Variants in PRKCH observed in about 807,000 individuals in gnomAD.
PRKCH encodes protein kinase C eta, also known as protein kinase C eta type.
In PRKCH, 28 loss-of-function variants were observed where a neutral mutation model predicts 82.5. That is an observed-to-expected ratio of 0.34 (90% confidence interval 0.25 to 0.47). PRKCH has a LOEUF of 0.47. Among genes scored for constraint, PRKCH ranks in the 20% least tolerant of loss-of-function variants. PRKCH has a pLI of 1.00. For synonymous variants in PRKCH, 322 were observed against 327.4 expected, an observed-to-expected ratio of 0.98 and a Z score of 0.18; for missense variants, 705 against 881.8, an observed-to-expected ratio of 0.80 and a Z score of 2.54.
At chr14:61,413,538 A>C (rs762434437) in intron 2 of PRKCH, among the ~76,000 whole-genome samples, 1 of 151,560 alleles carries the variant, frequency 6.6e-6, no homozygotes, top group Non-Finnish European at 1.5e-5. Context: ...ATTCCCACCC[A>C]TCCTGAGTCC....
At chr14:61,301,987 T>C (rs1190265317) in intron 1 of PRKCH, among the ~76,000 whole-genome samples, 1 of 152,268 alleles carries the variant, frequency 6.6e-6, no homozygotes, top group African/African-American at 2.4e-5. Flanking sequence ...ACATTCTACA[T>C]AGGCAACCAC....
At chr14:61,405,691 T>C (rs1336247297) in intron 2 of PRKCH, among the ~76,000 whole-genome samples, 1 of 152,218 alleles carries the variant, frequency 6.6e-6, no homozygotes, top group Non-Finnish European at 1.5e-5. Flanking sequence ...TCTTCTATTC[T>C]TGAACTTGTG....
Position 61,336,567 on chromosome 14 carries a change from G to A in PRKCH, c.363+14103G>A, listed in dbSNP as rs1017431028. Among the ~76,000 whole-genome samples the A allele has an allele frequency of 2.0e-5, 3 of 152,192 alleles. 1 individual carries two copies. In the South Asian group the frequency reaches 6.2e-4, roughly 31 times the overall value. On this transcript the variant is annotated intron_variant, in intron 1 of 13. Transcript: ENST00000332981. ...CAACAAACCAGAAATAAATCAAGTTGCAATATTTAGCTGCAAAGGACAGAA... is the reference window on the plus strand; with the variant it reads ...CAACAAACCAGAAATAAATCAAGTTACAATATTTAGCTGCAAAGGACAGAA...
At chr14:61,292,847 G>A (rs753453935) in intron 1 of PRKCH, among the ~76,000 whole-genome samples, 47 of 149,336 alleles carry the variant, frequency 3.1e-4, no homozygotes, top group Non-Finnish European at 5.3e-4. Context: ...TAAGGAGGCC[G>A]AGGCAGGAGT....
intron 1 of PRKCH, among the ~76,000 whole-genome samples, chr14:61,328,960 T>C (rs58864319): frequency 0.18 from 27,111 of 149,712 alleles, 2,657 homozygotes; most frequent in African/African-American, 0.26. Flanking sequence ...TACTCTAGCT[T>C]AAATGACAGA....
intron 2 of PRKCH, among the ~76,000 whole-genome samples, chr14:61,432,945 G>A (rs1160921716): frequency 7.0e-6 from 1 of 142,636 alleles, no homozygotes; most frequent in Non-Finnish European, 1.5e-5. Context: ...CATGTGCAGA[G>A]CGTACAGGTT....
At chr14:61,481,990 C>CT (rs35134897) in intron 9 of PRKCH, among the ~76,000 whole-genome samples, 5,816 of 100,946 alleles carry the variant, frequency 0.058, 227 homozygotes, top group East Asian at 0.12. Flanking sequence ...TTTCCTTTTC[C>CT]TTTTTTTTTT....
intron 9 of PRKCH, among the ~76,000 whole-genome samples, chr14:61,462,053 G>T (rs1885051941): frequency 6.6e-6 from 1 of 152,206 alleles, no homozygotes; most frequent in African/African-American, 2.4e-5. Flanking sequence ...CAAAGCAAAG[G>T]ATAAAGGGAA....
At chr14:61,470,186 G>T (rs965788372) in intron 9 of PRKCH, among the ~76,000 whole-genome samples, 1 of 151,808 alleles carries the variant, frequency 6.6e-6, no homozygotes, top group African/African-American at 2.4e-5. Context: ...GGGGGGAGGC[G>T]TAGCTCGAGT....
At chr14:61,350,132 G>A (rs987205365) in intron 1 of PRKCH, among the ~76,000 whole-genome samples, 4 of 152,070 alleles carry the variant, frequency 2.6e-5, no homozygotes, top group African/African-American at 9.7e-5. Context: ...TGCTTTATAT[G>A]CTGTCTCTTG....
chr14:61,283,501 C>T (rs2045289509), intron 1 of PRKCH, among the ~76,000 whole-genome samples: 1 of 152,046 alleles, frequency 6.6e-6, no homozygotes, highest in African/African-American at 2.4e-5. Context: ...GAAAGGGAAG[C>T]AGATAGCAAG....
intron 1 of PRKCH, chr14:61,281,826 A>G (rs78926751): frequency 0.053 from 7,418 of 141,274 alleles, 305 homozygotes; most frequent in African/African-American, 0.13. Flanking sequence ...GAATTACGTT[A>G]TGATAAATCT....
intron 1 of PRKCH, among the ~76,000 whole-genome samples, chr14:61,282,270 CT>C (rs10719485): frequency 0.34 from 44,456 of 129,254 alleles, 9,609 homozygotes; most frequent in African/African-American, 0.64. Flanking sequence ...GGGATTCTGG[CT>C]TTTTTTTTTT....
At chr14:61,242,888 C>T (rs368635082) in intron 1 of PRKCH, among the ~76,000 whole-genome samples, 3 of 152,090 alleles carry the variant, frequency 2.0e-5, no homozygotes, top group Non-Finnish European at 2.9e-5. Context: ...AACAATTAGA[C>T]ATTAGTCTAT....
chr14:61,400,494 G>A (rs1566859861), intron 2 of PRKCH, among the ~76,000 whole-genome samples: 1 of 152,190 alleles, frequency 6.6e-6, no homozygotes, highest in Admixed American at 6.5e-5. Context: ...CAGGGTAGGA[G>A]AGAAAGAAAG....
chr14:61,280,036 A>G lies in PRKCH; in HGVS notation c.-19+92368A>G, dbSNP rs563123537. ...GGTGACGGGCGAGGAGGAGATGCCAAAAGCACCTTGCAAGAGTTTTGGCAA... is the reference window on the plus strand; with the variant it reads ...GGTGACGGGCGAGGAGGAGATGCCAGAAGCACCTTGCAAGAGTTTTGGCAA... On this transcript the variant is annotated intron_variant, in intron 1 of 3. Transcript: ENST00000555185. This position sits in a 1 kb window ranked among gnomAD's most constrained non-coding sequence, Gnocchi z 5.0. The G allele has an allele frequency of 6.6e-5, 97 of 1,477,996 alleles. No homozygotes were observed. Among genetic ancestry groups the G allele is most frequent in the Non-Finnish European group, 8.7e-5 (96 of 1,102,874 alleles). 91.6% of individuals were successfully genotyped at this position (1,477,996 alleles called of 1,614,324 possible).
At chr14:61,413,343 C>T (rs750422758) in intron 2 of PRKCH, among the ~76,000 whole-genome samples, 10 of 151,426 alleles carry the variant, frequency 6.6e-5, no homozygotes, top group Non-Finnish European at 1.5e-4. Context: ...TCCCCAGCAC[C>T]CCAGCTCCTT....
chr14:61,533,604 T>A (rs1325168011), intron 12 of PRKCH, among the ~76,000 whole-genome samples: 2 of 152,208 alleles, frequency 1.3e-5, no homozygotes, highest in South Asian at 2.1e-4. Context: ...TGTGTGACCT[T>A]GGGCAAATGG....
In PRKCH at chr14:61,207,630, C is replaced by A. The variant is rs184775555; in HGVS notation, c.-19+19962C>A. ...ATAATTATGGATCCATTAAGAGCTA[C>A]TATTTATTGGGTACCTAGTGTCTGC... On this transcript the variant is annotated intron_variant, in intron 1 of 3. Transcript: ENST00000555185. 5.9e-5 allele frequency among the ~76,000 whole-genome samples: 9 copies of A among 151,666 alleles called. No individual in the cohort carries two copies. The East Asian group carries it at 1.7e-3, about 29-fold the overall frequency.
Sources: allele counts gnomAD v4.1 joint callset (sites outside exome capture counted in the v4.1 genomes callset), GRCh38; gene constraint gnomAD v4.1.1; non-coding constraint Gnocchi (gnomAD v3.1); transcripts MANE v1.5; gene names NCBI Gene and HGNC (gene_info 2026-07-23, HGNC 2026-07-21).